The following CCDC63 variants were observed in gnomAD, a reference collection of about 807,000 sequenced individuals.
The protein encoded by CCDC63 is coiled-coil domain-containing protein 63.
Under a neutral mutation model 63.6 loss-of-function variants are expected in CCDC63, and 54 were observed. That is an observed-to-expected ratio of 0.85 (90% CI 0.68 to 1.07). The LOEUF (loss-of-function observed/expected upper bound fraction) is 1.07, where lower values mean the gene tolerates loss of function less well. Ranked by LOEUF, CCDC63 falls within the 50% of genes least tolerant of loss-of-function variation. CCDC63 has a pLI of 0.00. For missense variants in CCDC63, 637 were observed against 689.6 expected (o/e 0.92, Z 0.86); for synonymous variants, 253 against 266.1 (o/e 0.95, Z 0.48).
At chr12:110,885,476 T>C (rs2071267745) in intron 8 of CCDC63, among the ~76,000 whole-genome samples, 1 of 152,204 alleles carries the variant, frequency 6.6e-6, no homozygotes, top group African/African-American at 2.4e-5. Flanking sequence ...CTAAACCCTT[T>C]AGTGTGACAT....
At chr12:110,888,307 G>A (rs1327481541) in intron 8 of CCDC63, among the ~76,000 whole-genome samples, 1 of 152,246 alleles carries the variant, frequency 6.6e-6, no homozygotes, top group Non-Finnish European at 1.5e-5. Flanking sequence ...AGCCCTAGCA[G>A]AGGGGTATGA....
chr12:110,879,761 G>T (rs749657952), intron 5 of CCDC63, 145 bp from the exon 6 acceptor site: 1 of 729,262 alleles, frequency 1.4e-6, no homozygotes, highest in African/African-American at 1.8e-5. Context: ...AACCAGTTGA[G>T]CCTCTTGCCT....
At chr12:110,849,548 G>GAGTGC (rs1230166228) in intron 1 of CCDC63, among the ~76,000 whole-genome samples, 2 of 139,690 alleles carry the variant, frequency 1.4e-5, no homozygotes, top group Non-Finnish European at 3.0e-5. Context: ...GCCCAGGCTA[G>GAGTGC]AGTGCAGTGG....
intron 4 of CCDC63, among the ~76,000 whole-genome samples, chr12:110,864,688 A>C (rs2070915533): frequency 6.6e-6 from 1 of 151,512 alleles, no homozygotes; most frequent in Non-Finnish European, 1.5e-5. Flanking sequence ...AGCCTGGGCA[A>C]CAGAGTGAGA....
At position 110,853,364 on chromosome 12, in the gene CCDC63, C is replaced by T. The variant is rs763223089; in HGVS notation, c.10-41C>T. ...CCCATCTGTGGGCTTCTCTAGCCAC[C>T]TGGCCCACTACGGCCTCCCACTCCT... On this transcript the variant is annotated intron_variant, in intron 2 of 11. Coordinates refer to ENST00000308208, the MANE Select transcript of CCDC63 (RefSeq NM_152591.3). 14 of 1,582,830 alleles carry T rather than the reference C, an allele frequency of 8.8e-6. No homozygotes were observed. The South Asian group carries it at 1.6e-4, about 18-fold the overall frequency.
intron 4 of CCDC63, among the ~76,000 whole-genome samples, chr12:110,866,893 G>A (rs1396750334): frequency 6.8e-6 from 1 of 147,084 alleles, no homozygotes; most frequent in Non-Finnish European, 1.5e-5. Flanking sequence ...CAGTAGGGGC[G>A]GCCGGGCAGA....
At chr12:110,891,384 C>A (rs902988602) in intron 8 of CCDC63, among the ~76,000 whole-genome samples, 1 of 152,016 alleles carries the variant, frequency 6.6e-6, no homozygotes, top group Non-Finnish European at 1.5e-5. Flanking sequence ...GGCACAGTGG[C>A]TCACACCTGT....
intron 3 of CCDC63, among the ~76,000 whole-genome samples, chr12:110,853,927 G>A (rs2070737604): frequency 1.3e-5 from 2 of 152,180 alleles, no homozygotes; most frequent in Non-Finnish European, 2.9e-5. Flanking sequence ...CTCAGCTGGT[G>A]GGAAGTGGCT....
At position 110,893,092 on chromosome 12, in the gene CCDC63, T is replaced by G; in HGVS notation, c.1091T>G (p.Leu364Trp). The part of the protein sequence containing the change: ...TQRIQDEIIL[L>W]RSQQKLSHDD... ...CCCGAGCAGGACGAGATCATCCTCT[T>G]GCGATCCCAGCAGAAATTGTCCCAC... The change falls in exon 9 of 12, where the codon TTG becomes TGG. Residue 364 changes from leucine (L) to tryptophan (W), a missense_variant. Transcript: ENST00000308208. 1.9e-6 allele frequency: 3 copies of G among 1,614,048 alleles called. No individual in the cohort carries two copies. Among genetic ancestry groups the G allele is most frequent in the Non-Finnish European group, 2.5e-6 (3 of 1,179,958 alleles).
intron 10 of CCDC63, among the ~76,000 whole-genome samples, chr12:110,899,426 C>T (rs2071457382): frequency 6.6e-6 from 1 of 152,200 alleles, no homozygotes; most frequent in African/African-American, 2.4e-5. Flanking sequence ...TCAGGCGATC[C>T]TCCCACCTCA....
chr12:110,854,965 AT>A (rs934413388), intron 3 of CCDC63, among the ~76,000 whole-genome samples: 1 of 151,938 alleles, frequency 6.6e-6, no homozygotes, highest in South Asian at 2.1e-4. Flanking sequence ...CGCCTGGCTA[AT>A]TTTTTGTATC....
At chr12:110,866,839 C>T (rs1355774618) in intron 4 of CCDC63, among the ~76,000 whole-genome samples, 1 of 149,702 alleles carries the variant, frequency 6.7e-6, no homozygotes, top group Non-Finnish European at 1.5e-5. Context: ...TTGGGCACAC[C>T]TCCCAGACGG....
chr12:110,868,158 A>C (rs2071002153), intron 4 of CCDC63, among the ~76,000 whole-genome samples: 1 of 147,598 alleles, frequency 6.8e-6, no homozygotes, highest in Non-Finnish European at 1.5e-5. Flanking sequence ...GACGCTCCTC[A>C]CTTCCTAGAT....
Position 110,881,156 on chromosome 12 carries a change from A to G in CCDC63, c.713A>G (p.Gln238Arg), listed in dbSNP as rs776381334. ...MARMAAMKDR[Q>R]KKDTSQYNLE... Reference sequence around the variant, plus strand: ...CGAATGGCTGCCATGAAAGACCGCCAGAAGAAGGACACCTCTCAGTACAAC... The same window carrying G: ...CGAATGGCTGCCATGAAAGACCGCCGGAAGAAGGACACCTCTCAGTACAAC... Residue 238 changes from glutamine (Q) to arginine (R), a missense_variant, in exon 7 of 12, where the codon CAG becomes CGG. Coordinates refer to ENST00000308208, the MANE Select transcript of CCDC63 (RefSeq NM_152591.3). The G allele has an allele frequency of 6.2e-7, 1 of 1,612,508 alleles. No homozygotes were observed. Among genetic ancestry groups the G allele is most frequent in the South Asian group, 1.1e-5 (1 of 90,928 alleles).
At chr12:110,861,529 T>C (rs2070853145) in intron 4 of CCDC63, among the ~76,000 whole-genome samples, 1 of 152,044 alleles carries the variant, frequency 6.6e-6, no homozygotes, top group Non-Finnish European at 1.5e-5. Context: ...TTCCCTGTCC[T>C]CTTTGCTTGG....
At chr12:110,855,475 C>A (rs1373924735) in intron 3 of CCDC63, among the ~76,000 whole-genome samples, 1 of 152,238 alleles carries the variant, frequency 6.6e-6, no homozygotes, top group African/African-American at 2.4e-5. Context: ...CAGCACCCCA[C>A]ACACAGGCTT....
chr12:110,904,497 C>T, intron 10 of CCDC63, 91 bp from the exon 11 acceptor site: 2 of 1,100,170 alleles, frequency 1.8e-6, no homozygotes, highest in South Asian at 2.7e-5. Context: ...CTTCCTGCTC[C>T]TCCCCGCCCT....
At chr12:110,872,815 A>AG (rs1370065460) in intron 4 of CCDC63, among the ~76,000 whole-genome samples, 1 of 152,160 alleles carries the variant, frequency 6.6e-6, no homozygotes, top group Non-Finnish European at 1.5e-5. Flanking sequence ...CTGTAGAGAT[A>AG]GGGGTCTCAC....
chr12:110,901,457 T>TA (rs2071486425), intron 10 of CCDC63, among the ~76,000 whole-genome samples: 1 of 152,082 alleles, frequency 6.6e-6, no homozygotes, highest in African/African-American at 2.4e-5. Flanking sequence ...CGAACCCCTG[T>TA]ACTCAAGTCA....
Sources: gnomAD v4.1 joint callset for allele counts (sites outside exome capture counted in the v4.1 genomes callset) on GRCh38, gnomAD v4.1.1 for gene constraint, MANE v1.5 for transcripts, NCBI Gene and HGNC (gene_info 2026-07-23, HGNC 2026-07-21) for gene names.